The following AIRE variants were observed in gnomAD, a reference collection of about 807,000 sequenced individuals.
AIRE encodes autoimmune polyendocrinopathy candidiasis ectodermal dystrophy protein.
A neutral mutation model predicts 62.1 loss-of-function variants in AIRE; 52 were observed. That is an observed-to-expected ratio of 0.84 (90% CI 0.67 to 1.06). AIRE has a LOEUF of 1.06. AIRE is among the 50% of genes least tolerant of loss of function. The pLI is 0.00. For synonymous variants in AIRE, 342 were observed against 321.6 expected (o/e 1.06, Z -0.68); for missense variants, 774 against 755.8 (o/e 1.02, Z -0.28).
rs2040476790 is a variant in AIRE at position 44,285,969 on chromosome 21, C to T, written c.-38C>T. The T allele has an allele frequency of 1.3e-6, 2 of 1,517,858 alleles. No individual in the cohort carries two copies. Among genetic ancestry groups the T allele is most frequent in the Non-Finnish European group, 1.8e-6 (2 of 1,137,732 alleles). 94.0% of individuals were successfully genotyped at this position (1,517,858 alleles called of 1,614,324 possible). ...GGGGCTGCCAGTGTCCCGGGACCCA[C>T]CGCGTCCGCCCCAGCCCCGGGTCCC... On this transcript the variant is annotated 5_prime_UTR_variant, in exon 1 of 14. Coordinates refer to ENST00000291582, the MANE Select transcript of AIRE (RefSeq NM_000383.4).
At chr21:44,290,792 T>C in intron 7 of AIRE, 1 of 1,498,920 alleles carries the variant, frequency 6.7e-7, no homozygotes, top group Middle Eastern at 1.8e-4. Flanking sequence ...CCCACTGCCC[T>C]GTGAGGAAGG....
chr21:44,286,690 G>A lies in AIRE; in HGVS notation c.266G>A (p.Arg89His), dbSNP rs762267080. 10 of 1,613,038 alleles carry A rather than the reference G, an allele frequency of 6.2e-6. No homozygotes were observed. Among genetic ancestry groups the A allele is most frequent in the East Asian group, 4.5e-5 (2 of 44,886 alleles). Residue 89 changes from arginine (R) to histidine (H), a missense_variant, in exon 2 of 14, where the codon CGC becomes CAC. By Grantham distance (29) the Arg-to-His change is conservative. This residue lies in a region of AIRE where 385 missense variants were observed against 396.0 expected (regional missense o/e 0.97). Transcript: ENST00000291582. The surrounding 1 kb of genome is among the most constrained non-coding windows in gnomAD (Gnocchi z 6.0). Reference protein sequence around the residue: ...RVLFKDYNLERYGRLQPILDS... With the variant: ...RVLFKDYNLEHYGRLQPILDS... Reference sequence around the variant, plus strand: ...CTGTTCAAGGACTACAACCTGGAGCGCTATGGCCGGCTGCAGCCCATCCTG... The same window carrying A: ...CTGTTCAAGGACTACAACCTGGAGCACTATGGCCGGCTGCAGCCCATCCTG...
chr21:44,289,983 T>G lies in AIRE; in HGVS notation c.799-5T>G. ...CCCCATTGCTGACGCCCCTCTTCCT[T>G]GCAGGGTGGAGGTGAGGCTAGGCTG... On this transcript the variant is annotated splice_region_variant and splice_polypyrimidine_tract_variant and intron_variant, in intron 6 of 13. Coordinates refer to ENST00000291582, the MANE Select transcript of AIRE (RefSeq NM_000383.4). 6.2e-7 allele frequency: 1 copy of G among 1,610,792 alleles called. No individual in the cohort carries two copies. Among genetic ancestry groups the G allele is most frequent in the Non-Finnish European group, 8.5e-7 (1 of 1,179,220 alleles).
chr21:44,293,991 A>T, intron 11 of AIRE, 81 bp downstream of exon 11: 7 of 1,479,152 alleles, frequency 4.7e-6, no homozygotes, highest in Non-Finnish European at 2.7e-6. Context: ...CCCACATCAT[A>T]CAGCCCACAA....
In AIRE at chr21:44,287,123, C is replaced by T. The variant is rs554372593; in HGVS notation, c.453C>T (p.Thr151=). 28 of 1,612,392 alleles carry T rather than the reference C, an allele frequency of 1.7e-5. No homozygotes were observed. The highest frequency in any genetic ancestry group is 1.7e-4 in the Middle Eastern group (1 of 6,004). The change falls in exon 3 of 14, where the codon ACC becomes ACT. Residue 151 remains threonine (T), a synonymous_variant. Transcript: ENST00000291582. This position sits in a 1 kb window ranked among gnomAD's most constrained non-coding sequence, Gnocchi z 4.3. ...AAPAALTPRG[T]ASPGSQLKAK... is the part of the protein sequence containing the mutation. ...CAGCAGCCCTGACTCCAAGGGGCAC[C>T]GCCAGCCCAGGTACCCTCCCTGCAG...
chr21:44,287,276 C>A lies in AIRE; in HGVS notation c.463+143C>A. 1 of 1,003,870 alleles carries A rather than the reference C, an allele frequency of 1.0e-6. No individual in the cohort carries two copies. Among genetic ancestry groups the A allele is most frequent in the Non-Finnish European group, 1.5e-6 (1 of 681,768 alleles). 62.2% of individuals were successfully genotyped at this position (1,003,870 alleles called of 1,614,324 possible). On this transcript the variant is annotated intron_variant, in intron 3 of 13. Coordinates refer to ENST00000291582, the MANE Select transcript of AIRE (RefSeq NM_000383.4). This position sits in a 1 kb window ranked among gnomAD's most constrained non-coding sequence, Gnocchi z 4.3. ...GGGCTGTGGGGGTCTCCTCTGGGTA[C>A]TAGACCCACACACTGGACCAGCCTC... is the stretch of plus-strand genomic sequence containing the variant.
At chr21:44,289,872 G>C (rs551734360) in intron 6 of AIRE, 70 bp downstream of exon 6, 4 of 1,609,434 alleles carry the variant, frequency 2.5e-6, no homozygotes, top group East Asian at 2.2e-5. Flanking sequence ...CGTTGCCTCT[G>C]GGGGAGTGGC....
chr21:44,286,159 C>T lies in AIRE; in HGVS notation c.132+21C>T. Reference sequence around the variant, plus strand: ...TTCAGGTGGGCTCCCCGCCCGCCCCCCGCTGCCCCCAGGCCCTGTGAGCCA... The same window carrying T: ...TTCAGGTGGGCTCCCCGCCCGCCCCTCGCTGCCCCCAGGCCCTGTGAGCCA... On this transcript the variant is annotated intron_variant, in intron 1 of 13. Transcript: ENST00000291582. The surrounding 1 kb of genome is among the most constrained non-coding windows in gnomAD (Gnocchi z 6.0). 2.6e-6 allele frequency: 4 copies of T among 1,539,070 alleles called. No individual in the cohort carries two copies. The highest frequency in any genetic ancestry group is 3.5e-6 in the Non-Finnish European group (4 of 1,141,694).
At position 44,286,186 on chromosome 21, in the gene AIRE, G is replaced by A. The variant is rs1345972455; in HGVS notation, c.132+48G>A. 2.0e-6 allele frequency: 3 copies of A among 1,514,042 alleles called. No homozygotes were observed. The highest frequency in any genetic ancestry group is 2.6e-5 in the East Asian group (1 of 39,038). The allele number at this position is 1,514,042 out of a possible 1,614,324, so 93.8% of individuals were successfully genotyped here. ...GCTGCCCCCAGGCCCTGTGAGCCAG[G>A]GATAGTCCCCGGGGAAGTTCCAGGA... On this transcript the variant is annotated intron_variant, in intron 1 of 13. Transcript: ENST00000291582. This position sits in a 1 kb window ranked among gnomAD's most constrained non-coding sequence, Gnocchi z 6.0.
rs60821379 is a variant in AIRE at position 44,296,656 on chromosome 21, GC to G, written c.1566+219del. 4.1e-4 allele frequency among the ~76,000 whole-genome samples: 54 copies of G among 130,656 alleles called. No individual in the cohort carries two copies. In the East Asian group the frequency reaches 1.0e-2, roughly 24 times the overall value. 85.7% of individuals were successfully genotyped at this position (130,656 alleles called of 152,430 possible). A position where few individuals can be genotyped will look rare whatever the true frequency, so the allele number is the denominator to read the frequency against. On this transcript the variant is annotated intron_variant, in intron 13 of 13. Transcript: ENST00000291582. ...GAGCCCCCCTAGCCCCCTTGCAGGA[GC>G]CCCCCCCGGCCCCTCCCCCTGCGGG...
chr21:44,296,264 G>T, intron 12 of AIRE, 119 bp from the exon 13 acceptor site: 1 of 954,000 alleles, frequency 1.0e-6, no homozygotes. Flanking sequence ...GGAGCTGGGT[G>T]TAAGAATTCC....
chr21:44,296,470 T>C, intron 13 of AIRE, 25 bp downstream of exon 13: 1 of 1,603,644 alleles, frequency 6.2e-7, no homozygotes, highest in East Asian at 2.2e-5. Flanking sequence ...GGCCTCCTGG[T>C]GCTCCTCCAC....
rs764644932 is a variant in AIRE, at chr21:44,287,441, C to T, written c.464-76C>T. 1,415 of 1,065,512 alleles carry T rather than the reference C, an allele frequency of 1.3e-3. 3 individuals carry two copies. Among genetic ancestry groups the T allele is most frequent in the Non-Finnish European group, 1.8e-3 (1,249 of 708,184 alleles). The allele number at this position is 1,065,512 out of a possible 1,614,324, so 66.0% of individuals were successfully genotyped here. ...CTGGACCGCCCCCTCCACGCCCTCC[C>T]ACCGCGGGCCCCTGCCCACCGGCAC... On this transcript the variant is annotated intron_variant, in intron 3 of 13. Transcript: ENST00000291582. The surrounding 1 kb of genome is among the most constrained non-coding windows in gnomAD (Gnocchi z 4.3).
At chr21:44,295,814 G>C (rs1330519377) in intron 12 of AIRE, among the ~76,000 whole-genome samples, 1 of 152,148 alleles carries the variant, frequency 6.6e-6, no homozygotes, top group Non-Finnish European at 1.5e-5. Flanking sequence ...TCCAGACCGG[G>C]CAGCCCCTCC....
chr21:44,296,283 T>C (rs1248273874), intron 12 of AIRE, 100 bp from the exon 13 acceptor site: 1 of 1,059,210 alleles, frequency 9.4e-7, no homozygotes, highest in African/African-American at 1.6e-5. Flanking sequence ...CCCATCTCAG[T>C]GTGGGGGAAA....
In AIRE at chr21:44,297,723, C is replaced by T. The variant is rs1292128393; in HGVS notation, c.1634C>T (p.Ser545Phe). Residue 545 changes from serine (S) to phenylalanine (F), a missense_variant, in exon 14 of 14, where the codon TCC becomes TTC. Coordinates refer to ENST00000291582, the MANE Select transcript of AIRE (RefSeq NM_000383.4). The surrounding 1 kb of genome is among the most constrained non-coding windows in gnomAD (Gnocchi z 4.8). Reference protein sequence around the residue: ...SMARPAAPFPS With the variant: ...SMARPAAPFPF ...GCCCGTCCGGCGGCCCCCTTCCCCT[C>T]CTGACCCCAGATGGCCGGGACATGC... is the stretch of plus-strand genomic sequence containing the variant. The T allele has an allele frequency of 6.2e-7, 1 of 1,611,008 alleles. No individual in the cohort carries two copies. The highest frequency in any genetic ancestry group is 2.2e-5 in the East Asian group (1 of 44,874).
chr21:44,290,755 G>T, intron 7 of AIRE: 1 of 1,442,446 alleles, frequency 6.9e-7, no homozygotes, highest in Non-Finnish European at 9.3e-7. Context: ...AGGCGCTGAG[G>T]TCGGGAGAGA....
intron 10 of AIRE, 44 bp from the exon 11 acceptor site, chr21:44,293,745 T>G: frequency 6.3e-7 from 1 of 1,594,458 alleles, no homozygotes; most frequent in African/African-American, 1.3e-5. Flanking sequence ...TCAGCTACAT[T>G]TCCCCCGGCC....
At position 44,297,029 on chromosome 21, in the gene AIRE, A is replaced by T. The variant is rs2040616784; in HGVS notation, c.1566+584A>T. 6.6e-6 allele frequency among the ~76,000 whole-genome samples: 1 copy of T among 152,130 alleles called. No homozygotes were observed. The highest frequency in any genetic ancestry group is 2.1e-4 in the South Asian group (1 of 4,836). ...ATGTGGCACCCGGGGGTCCCAGCTG[A>T]CCATGGGGCAGGGGTTCTGCCCTGT... On this transcript the variant is annotated intron_variant, in intron 13 of 13. Coordinates refer to ENST00000291582, the MANE Select transcript of AIRE (RefSeq NM_000383.4). This position sits in a 1 kb window ranked among gnomAD's most constrained non-coding sequence, Gnocchi z 4.8.
Sources: allele counts gnomAD v4.1 joint callset (sites outside exome capture counted in the v4.1 genomes callset), GRCh38; gene constraint gnomAD v4.1.1; regional missense constraint gnomAD v4.1.1; non-coding constraint Gnocchi (gnomAD v3.1); transcripts MANE v1.5; gene names NCBI Gene and HGNC (gene_info 2026-07-23, HGNC 2026-07-21).